The following SNTG1 variants were observed in gnomAD, a reference collection of about 807,000 sequenced individuals.
SNTG1 encodes the protein gamma-1-syntrophin.
Under a neutral mutation model 74.7 loss-of-function variants are expected in SNTG1, and 39 were observed. The ratio of observed to expected loss-of-function variants is 0.52; its 90% CI spans 0.40 to 0.68. The LOEUF (loss-of-function observed/expected upper bound fraction) is 0.68, where lower values mean the gene tolerates loss of function less well. Among genes scored for constraint, SNTG1 ranks in the 30% least tolerant of loss-of-function variants. The pLI is 0.00. For synonymous variants in SNTG1, 254 were observed against 217.1 expected (o/e 1.17, Z -1.49); for missense variants, 685 against 609.5 (o/e 1.12, Z -1.30).
At chr8:49,979,207 C>T (rs560613593) in intron 1 of SNTG1, among the ~76,000 whole-genome samples, 3 of 152,340 alleles carry the variant, frequency 2.0e-5, no homozygotes, top group African/African-American at 7.2e-5. Context: ...GAGACGCAGA[C>T]GCCTTTGGGG....
chr8:50,049,672 A>G (rs766149546), intron 1 of SNTG1, among the ~76,000 whole-genome samples: 5 of 152,122 alleles, frequency 3.3e-5, no homozygotes, highest in Non-Finnish European at 7.4e-5. Context: ...ACTTTATCCA[A>G]CAATGGCAGA....
At chr8:50,515,542 A>T (rs138280921) in intron 9 of SNTG1, among the ~76,000 whole-genome samples, 3,993 of 152,130 alleles carry the variant, frequency 0.026, 72 homozygotes, top group Middle Eastern at 0.044. Flanking sequence ...TAGCAAGCTA[A>T]GATCCACTGG....
chr8:50,726,646 G>A (rs1470836891), intron 17 of SNTG1, among the ~76,000 whole-genome samples: 2 of 152,088 alleles, frequency 1.3e-5, no homozygotes, highest in Admixed American at 1.3e-4. Context: ...TCAGGAGATC[G>A]AGACCAGCCT....
chr8:50,080,573 G>T (rs1822310826), intron 1 of SNTG1, among the ~76,000 whole-genome samples: 2 of 151,962 alleles, frequency 1.3e-5, no homozygotes, highest in African/African-American at 4.8e-5. Flanking sequence ...TATTTTCAGT[G>T]TGCCATTTTA....
chr8:50,654,506 A>G (rs2095168474), intron 13 of SNTG1, among the ~76,000 whole-genome samples: 1 of 152,182 alleles, frequency 6.6e-6, no homozygotes, highest in South Asian at 2.1e-4. Context: ...AACTTAATTA[A>G]TGTCTGTATT....
intron 4 of SNTG1, among the ~76,000 whole-genome samples, chr8:50,408,958 A>G (rs2092914064): frequency 6.6e-6 from 1 of 152,186 alleles, no homozygotes. Flanking sequence ...ATACAGGGTC[A>G]GCGCCAGAAA....
chr8:50,062,948 C>G (rs1436032503), intron 1 of SNTG1, among the ~76,000 whole-genome samples: 1 of 152,160 alleles, frequency 6.6e-6, no homozygotes, highest in Non-Finnish European at 1.5e-5. Flanking sequence ...TGATTGACCA[C>G]AGACATATTA....
chr8:50,271,213 C>G (rs1416046541), intron 2 of SNTG1, among the ~76,000 whole-genome samples: 2 of 152,132 alleles, frequency 1.3e-5, no homozygotes, highest in Non-Finnish European at 2.9e-5. Context: ...GGTATATCAT[C>G]CCTAACCCTT....
At position 50,029,388 on chromosome 8, in the gene SNTG1, T is replaced by C. The variant is rs144482592; in HGVS notation, c.-103+117157T>C. On this transcript the variant is annotated intron_variant, in intron 1 of 18. Coordinates refer to ENST00000642720, the MANE Select transcript of SNTG1 (RefSeq NM_018967.5). Reference sequence around the variant, plus strand: ...TCTTTGTTATTTTAAAATATGCAACTAATTATTATCAACTAAAGTCACTCT... The same window carrying C: ...TCTTTGTTATTTTAAAATATGCAACCAATTATTATCAACTAAAGTCACTCT... 3.2e-4 allele frequency among the ~76,000 whole-genome samples: 48 copies of C among 152,190 alleles called. 2 individuals carry two copies. The East Asian group carries it at 8.5e-3, about 27-fold the overall frequency.
intron 2 of SNTG1, among the ~76,000 whole-genome samples, chr8:50,325,685 A>T (rs1401566801): frequency 6.6e-6 from 1 of 152,098 alleles, no homozygotes; most frequent in Non-Finnish European, 1.5e-5. Flanking sequence ...TTGCTTAAAA[A>T]GCTTGCAAAC....
intron 4 of SNTG1, among the ~76,000 whole-genome samples, chr8:50,435,365 CA>C (rs1239276367): frequency 6.6e-6 from 1 of 152,178 alleles, no homozygotes; most frequent in Non-Finnish European, 1.5e-5. Context: ...TACCTGGCAA[CA>C]GTCTTTACGA....
intron 1 of SNTG1, among the ~76,000 whole-genome samples, chr8:50,000,692 T>C (rs1814663326): frequency 6.6e-6 from 1 of 152,208 alleles, no homozygotes; most frequent in Non-Finnish European, 1.5e-5. Flanking sequence ...CCCCTAAATG[T>C]CACATAAATG....
intron 3 of SNTG1, among the ~76,000 whole-genome samples, chr8:50,398,100 T>G (rs1445292162): frequency 6.6e-6 from 1 of 152,238 alleles, no homozygotes; most frequent in Admixed American, 6.5e-5. Context: ...CTGAATCTAA[T>G]GCACCTGTTT....
chr8:50,768,563 C>T (rs2095619417), intron 18 of SNTG1, among the ~76,000 whole-genome samples: 1 of 152,010 alleles, frequency 6.6e-6, no homozygotes, highest in African/African-American at 2.4e-5. Context: ...GGGATCAAGG[C>T]TCTCTTTCTG....
rs1466225223 is a variant in SNTG1 at position 50,794,242 on chromosome 8, T to G, written c.*1413T>G. ...TCAATTTTTTTTTTCAAATATGTTT[T>G]TAAAAATCACTCAAGAAGGAAACAA... On this transcript the variant is annotated 3_prime_UTR_variant, in exon 19 of 19. Transcript: ENST00000642720. The G allele has an allele frequency of 6.6e-6, 1 of 151,926 alleles. No individual in the cohort carries two copies. Among genetic ancestry groups the G allele is most frequent in the Non-Finnish European group, 1.5e-5 (1 of 67,900 alleles). 9.4% of individuals were successfully genotyped at this position (151,926 alleles called of 1,614,324 possible).
chr8:50,682,643 T>A (rs190182463), intron 15 of SNTG1, among the ~76,000 whole-genome samples: 109 of 152,288 alleles, frequency 7.2e-4, no homozygotes, highest in African/African-American at 2.6e-3. Flanking sequence ...CAGTCTCACA[T>A]TTCCCACCTG....
intron 11 of SNTG1, among the ~76,000 whole-genome samples, chr8:50,541,918 T>C (rs1442997959): frequency 2.0e-5 from 3 of 151,814 alleles, no homozygotes; most frequent in Non-Finnish European, 4.4e-5. Context: ...GAACATGGAA[T>C]ACTTGTCTTT....
chr8:49,954,714 T>C (rs565269944), intron 1 of SNTG1, among the ~76,000 whole-genome samples: 1 of 152,292 alleles, frequency 6.6e-6, no homozygotes, highest in African/African-American at 2.4e-5. Context: ...TTATTATAAG[T>C]CCAGAGTTTT....
intron 1 of SNTG1, among the ~76,000 whole-genome samples, chr8:49,917,323 C>T (rs16913859): frequency 0.013 from 1,960 of 152,244 alleles, 42 homozygotes; most frequent in African/African-American, 0.043. Context: ...ATAAACTTTC[C>T]TTCCACATCT....
Sources: gnomAD v4.1 joint callset for allele counts (sites outside exome capture counted in the v4.1 genomes callset) on GRCh38, gnomAD v4.1.1 for gene constraint, MANE v1.5 for transcripts, NCBI Gene and HGNC (gene_info 2026-07-23, HGNC 2026-07-21) for gene names.